ADGRL3: variants seen among roughly 807,000 people sequenced by gnomAD.
The protein encoded by ADGRL3 is adhesion G protein-coupled receptor L3, also known as calcium-independent alpha-latrotoxin receptor 3.
In ADGRL3, 62 loss-of-function variants were observed where a neutral mutation model predicts 153.5. The ratio of observed to expected loss-of-function variants is 0.40; its 90% CI spans 0.33 to 0.50. ADGRL3 has a LOEUF of 0.50. Among genes scored for constraint, ADGRL3 ranks in the 20% least tolerant of loss-of-function variants. ADGRL3 has a pLI of 0.47. For synonymous variants in ADGRL3, 710 were observed against 672.5 expected, an observed-to-expected ratio of 1.06 and a Z score of -0.86; for missense variants, 1,641 against 1,859.4, an observed-to-expected ratio of 0.88 and a Z score of 2.16.
chr4:61,716,074 T>C (rs2096108345), intron 6 of ADGRL3, among the ~76,000 whole-genome samples: 1 of 152,102 alleles, frequency 6.6e-6, no homozygotes, highest in Non-Finnish European at 1.5e-5. Context: ...CTGTATTTTA[T>C]TTTTATTTGC....
At chr4:61,765,653 A>G (rs1191534355) in intron 8 of ADGRL3, among the ~76,000 whole-genome samples, 1 of 152,122 alleles carries the variant, frequency 6.6e-6, no homozygotes, top group Non-Finnish European at 1.5e-5. Flanking sequence ...AAGGGAATAA[A>G]TGACTGCGGT....
chr4:61,691,808 C>G (rs1458187742), intron 6 of ADGRL3, among the ~76,000 whole-genome samples: 1 of 152,124 alleles, frequency 6.6e-6, no homozygotes. Context: ...ATGACATTGA[C>G]TAGTGTTCAT....
At chr4:61,956,530 C>T (rs888630317) in intron 17 of ADGRL3, among the ~76,000 whole-genome samples, 1 of 152,112 alleles carries the variant, frequency 6.6e-6, no homozygotes, top group African/African-American at 2.4e-5. Flanking sequence ...TGCAGAAGCT[C>T]TTTAGTTTAA....
intron 5 of ADGRL3, among the ~76,000 whole-genome samples, chr4:61,644,548 G>A (rs910659841): frequency 2.4e-4 from 37 of 152,164 alleles, no homozygotes; most frequent in African/African-American, 8.9e-4. Flanking sequence ...TATGTACCCA[G>A]TAGTCATTCA....
intron 8 of ADGRL3, among the ~76,000 whole-genome samples, chr4:61,798,691 C>T (rs1343588066): frequency 6.6e-6 from 1 of 151,698 alleles, no homozygotes; most frequent in Non-Finnish European, 1.5e-5. Context: ...GATCTTGGCT[C>T]ACTGCAACCT....
chr4:61,395,707 A>G (rs1243630993), intron 2 of ADGRL3, among the ~76,000 whole-genome samples: 1 of 152,000 alleles, frequency 6.6e-6, no homozygotes, highest in East Asian at 1.9e-4. Context: ...ATTGAAAAAA[A>G]TAGCCAATTA....
Position 61,497,804 on chromosome 4 carries a change from G to A in ADGRL3, c.55+456G>A, listed in dbSNP as rs912499368. Among the ~76,000 whole-genome samples, 4 of 151,920 alleles carry A rather than the reference G, an allele frequency of 2.6e-5. No homozygotes were observed. The East Asian group carries it at 7.8e-4, about 29-fold the overall frequency. On this transcript the variant is annotated intron_variant, in intron 3 of 26. Coordinates refer to ENST00000683033, the MANE Select transcript of ADGRL3 (RefSeq NM_001387552.1). ...CTCCCAAAGTGCTGGGATTACAGGC[G>A]TGAGCCACCGCGCCCAGCCCATAAT...
At chr4:61,860,124 A>G (rs1430059324) in intron 9 of ADGRL3, among the ~76,000 whole-genome samples, 2 of 152,114 alleles carry the variant, frequency 1.3e-5, no homozygotes, top group Non-Finnish European at 2.9e-5. Context: ...GACAGTCTTG[A>G]TTCAGTAGGT....
At chr4:61,735,478 T>C (rs143318312) in intron 8 of ADGRL3, among the ~76,000 whole-genome samples, 3 of 152,332 alleles carry the variant, frequency 2.0e-5, no homozygotes, top group South Asian at 4.1e-4. Flanking sequence ...TTTTTGTTTG[T>C]TTTTTTAACC....
intron 5 of ADGRL3, among the ~76,000 whole-genome samples, chr4:61,653,409 C>T (rs576916697): frequency 6.6e-6 from 1 of 152,184 alleles, no homozygotes; most frequent in South Asian, 2.1e-4. Flanking sequence ...GCGTTGTACG[C>T]CCAAGACAAA....
chr4:61,714,482 G>A (rs1251636949), intron 6 of ADGRL3, among the ~76,000 whole-genome samples: 4 of 152,084 alleles, frequency 2.6e-5, no homozygotes, highest in East Asian at 1.9e-4. Context: ...TTGTGGGCAC[G>A]CAGGCCTACC....
At chr4:61,767,582 GAGTC>G (rs1428617134) in intron 8 of ADGRL3, among the ~76,000 whole-genome samples, 1 of 152,080 alleles carries the variant, frequency 6.6e-6, no homozygotes, top group African/African-American at 2.4e-5. Context: ...AGCCAAGAAG[GAGTC>G]AGTCAGAGAG....
Position 62,076,803 on chromosome 4 carries a change from G to A in ADGRL3, c.*5895G>A, listed in dbSNP as rs1747291509. 6.6e-6 allele frequency: 1 copy of A among 151,604 alleles called. No homozygotes were observed. The highest frequency in any genetic ancestry group is 2.1e-4 in the South Asian group (1 of 4,826). 9.4% of individuals were successfully genotyped at this position (151,604 alleles called of 1,614,324 possible). A position where few individuals can be genotyped will look rare whatever the true frequency, so the allele number is the denominator to read the frequency against. On this transcript the variant is annotated 3_prime_UTR_variant, in exon 27 of 27. Transcript: ENST00000683033. ...ATTCATCTTCACTCTCTAATCTGCT[G>A]GCTCTATTGAACACCAACAGAGTTA...
chr4:61,544,307 G>C (rs1162086974), intron 4 of ADGRL3, among the ~76,000 whole-genome samples: 1 of 152,038 alleles, frequency 6.6e-6, no homozygotes, highest in Non-Finnish European at 1.5e-5. Context: ...GTTTTGATTT[G>C]CATTTCTCTG....
At position 61,621,804 on chromosome 4, in the gene ADGRL3, A is replaced by G. The variant is rs557120527; in HGVS notation, c.473+34364A>G. On this transcript the variant is annotated intron_variant, in intron 5 of 26. Transcript: ENST00000683033. ...TTCCTTTGTGGTTTTAATTTTTGCT[A>G]TGAAATTTAAAATTAAAGAAGAAAA... 2.0e-4 allele frequency among the ~76,000 whole-genome samples: 30 copies of G among 152,270 alleles called. 1 individual carries two copies. Among genetic ancestry groups the G allele is most frequent in the Admixed American group, 1.2e-3 (19 of 15,288 alleles).
intron 4 of ADGRL3, among the ~76,000 whole-genome samples, chr4:61,539,054 C>A (rs968769930): frequency 1.3e-5 from 2 of 152,180 alleles, no homozygotes; most frequent in Non-Finnish European, 2.9e-5. Flanking sequence ...GTGGCTACCA[C>A]CAAAATGGGC....
chr4:61,630,137 A>G (rs534529352), intron 5 of ADGRL3, among the ~76,000 whole-genome samples: 3 of 152,162 alleles, frequency 2.0e-5, no homozygotes, highest in East Asian at 1.9e-4. Flanking sequence ...AGTGTACTGT[A>G]TAGATTGGAA....
chr4:61,823,878 G>A (rs1354323380), intron 9 of ADGRL3, among the ~76,000 whole-genome samples: 2 of 152,164 alleles, frequency 1.3e-5, no homozygotes, highest in Middle Eastern at 3.4e-3. Flanking sequence ...TGGCTAACAT[G>A]GTGAAACCCT....
intron 1 of ADGRL3, among the ~76,000 whole-genome samples, chr4:61,327,295 T>G (rs958257817): frequency 1.3e-5 from 2 of 151,040 alleles, no homozygotes; most frequent in African/African-American, 4.9e-5. Flanking sequence ...AAGTATTCTA[T>G]CTAGTATAAG....
Sources: allele counts gnomAD v4.1 joint callset (sites outside exome capture counted in the v4.1 genomes callset), GRCh38; gene constraint gnomAD v4.1.1; transcripts MANE v1.5; gene names NCBI Gene and HGNC (gene_info 2026-07-23, HGNC 2026-07-21).